IL19: variants seen among roughly 807,000 people sequenced by gnomAD.
IL19 encodes interleukin-19.
A neutral mutation model predicts 19.5 loss-of-function variants in IL19; 15 were observed. That is an observed-to-expected ratio of 0.77 (90% CI 0.52 to 1.19). The LOEUF is 1.19. Among genes scored for constraint, IL19 ranks in the 50% most tolerant of loss-of-function variants. The pLI is 0.00. For missense variants in IL19, 199 were observed against 213.1 expected, an observed-to-expected ratio of 0.93 and a Z score of 0.41; for synonymous variants, 78 against 78.3, an observed-to-expected ratio of 1.00 and a Z score of 0.02.
At chr1:206,795,379 T>G (rs1196199427) in intron 1 of IL19, among the ~76,000 whole-genome samples, 2 of 152,240 alleles carry the variant, frequency 1.3e-5, no homozygotes, top group Non-Finnish European at 2.9e-5. Flanking sequence ...TAAGAACTAG[T>G]CCTGGATGGT....
At chr1:206,810,489 A>G (rs1675976063) in intron 2 of IL19, among the ~76,000 whole-genome samples, 3 of 152,244 alleles carry the variant, frequency 2.0e-5, no homozygotes, top group South Asian at 2.1e-4. Context: ...CTAGAGGACA[A>G]TCCTTTCATA....
At chr1:206,828,598 G>A (rs540413973) in intron 2 of IL19, among the ~76,000 whole-genome samples, 5 of 152,254 alleles carry the variant, frequency 3.3e-5, no homozygotes, top group African/African-American at 1.2e-4. Context: ...TGAAAGGTAC[G>A]TAAACATTTG....
At chr1:206,824,522 G>T (rs1438802059) in intron 2 of IL19, among the ~76,000 whole-genome samples, 1 of 152,150 alleles carries the variant, frequency 6.6e-6, no homozygotes, top group African/African-American at 2.4e-5. Context: ...CCTCCTTCTT[G>T]TAGGAGCTTC....
intron 4 of IL19, among the ~76,000 whole-genome samples, chr1:206,837,549 C>T (rs565708008): frequency 2.8e-4 from 43 of 152,178 alleles, no homozygotes; most frequent in Non-Finnish European, 2.1e-4. Context: ...GAGCCTCAGG[C>T]TTATAATACA....
intron 2 of IL19, among the ~76,000 whole-genome samples, chr1:206,803,614 G>A (rs956455700): frequency 2.6e-5 from 4 of 152,146 alleles, no homozygotes; most frequent in Non-Finnish European, 5.9e-5. Context: ...GAGAGAACAG[G>A]AAAGGATTAT....
intron 4 of IL19, among the ~76,000 whole-genome samples, chr1:206,839,116 G>C (rs1676908060): frequency 6.6e-6 from 1 of 152,160 alleles, no homozygotes; most frequent in African/African-American, 2.4e-5. Context: ...ACTTCTAGAA[G>C]GAAACTGTCT....
chr1:206,791,660 C>T (rs2102454749), intron 1 of IL19, among the ~76,000 whole-genome samples: 1 of 152,262 alleles, frequency 6.6e-6, no homozygotes, highest in East Asian at 1.9e-4. Context: ...CTTCCTGTGC[C>T]CCATGCCCAG....
At chr1:206,838,405 C>G (rs1676872589) in intron 4 of IL19, among the ~76,000 whole-genome samples, 1 of 152,188 alleles carries the variant, frequency 6.6e-6, no homozygotes, top group South Asian at 2.1e-4. Context: ...GAGAGACACA[C>G]ACACACACCT....
intron 1 of IL19, among the ~76,000 whole-genome samples, chr1:206,777,953 C>T (rs1279625787): frequency 1.3e-5 from 2 of 152,202 alleles, no homozygotes; most frequent in Non-Finnish European, 2.9e-5. Context: ...CAAAGTGTGG[C>T]CAGTTTGGGG....
chr1:206,839,893 A>G lies in IL19; in HGVS notation c.254A>G (p.Tyr85Cys). ...CCVTKNLLAF[Y>C]VDRVFKDHQE... ...GTGACCAAGAACCTCCTGGCGTTCT[A>G]CGTGGACAGGGTGTTCAAGGATCAT... is the stretch of plus-strand genomic sequence containing the variant. Residue 85 changes from tyrosine to cysteine, a missense_variant, in exon 5 of 7, where the codon TAC becomes TGC. Coordinates refer to ENST00000659997, the MANE Select transcript of IL19 (RefSeq NM_153758.5). 7 of 1,614,128 alleles carry G rather than the reference A, an allele frequency of 4.3e-6. No homozygotes were observed. The highest frequency in any genetic ancestry group is 1.1e-5 in the South Asian group (1 of 91,082).
At chr1:206,801,584 T>C (rs1370196382) in intron 2 of IL19, among the ~76,000 whole-genome samples, 4 of 152,238 alleles carry the variant, frequency 2.6e-5, no homozygotes, top group Non-Finnish European at 5.9e-5. Flanking sequence ...TCACTTATCC[T>C]TCCGGTCAAA....
intron 1 of IL19, among the ~76,000 whole-genome samples, chr1:206,796,810 A>T (rs1286127674): frequency 1.9e-4 from 29 of 152,200 alleles, no homozygotes; most frequent in Admixed American, 1.9e-3. Flanking sequence ...TAAGTGACAC[A>T]TGACTGTATT....
At chr1:206,826,886 C>G (rs1185351629) in intron 2 of IL19, among the ~76,000 whole-genome samples, 1 of 152,160 alleles carries the variant, frequency 6.6e-6, no homozygotes, top group Non-Finnish European at 1.5e-5. Context: ...GACAAAGATT[C>G]TGTGAATGGA....
intron 2 of IL19, among the ~76,000 whole-genome samples, chr1:206,808,759 A>C (rs1420002327): frequency 1.3e-5 from 2 of 152,164 alleles, no homozygotes; most frequent in African/African-American, 4.8e-5. Context: ...TGCAGTTGAC[A>C]CAAGTCTTAG....
intron 1 of IL19, among the ~76,000 whole-genome samples, chr1:206,779,925 G>A (rs1675093006): frequency 6.6e-6 from 1 of 150,862 alleles, no homozygotes; most frequent in African/African-American, 2.4e-5. Context: ...CTAGGCTCAA[G>A]TAATCCTCTT....
intron 2 of IL19, among the ~76,000 whole-genome samples, chr1:206,829,680 TC>T (rs1447426632): frequency 2.0e-5 from 3 of 152,068 alleles, no homozygotes; most frequent in Non-Finnish European, 4.4e-5. Context: ...TTTTAAAAAG[TC>T]CACCTACCTA....
intron 6 of IL19, among the ~76,000 whole-genome samples, chr1:206,842,181 A>C (rs570719144): frequency 9.9e-5 from 15 of 152,188 alleles, no homozygotes; most frequent in South Asian, 4.1e-4. Context: ...TAACAGAAGC[A>C]CTAAAGCAAG....
chr1:206,836,535 T>G, intron 2 of IL19, 126 bp from the exon 3 acceptor site: 4 of 830,014 alleles, frequency 4.8e-6, no homozygotes, highest in Non-Finnish European at 7.6e-6. Flanking sequence ...GCTGAAGTGT[T>G]TAGTGTTGTT....
intron 1 of IL19, among the ~76,000 whole-genome samples, chr1:206,788,295 G>A (rs907574728): frequency 6.6e-6 from 1 of 152,128 alleles, no homozygotes; most frequent in African/African-American, 2.4e-5. Context: ...CAAGGCCAAT[G>A]GCAAACTACT....
Sources: allele counts gnomAD v4.1 joint callset (sites outside exome capture counted in the v4.1 genomes callset), GRCh38; gene constraint gnomAD v4.1.1; transcripts MANE v1.5; gene names NCBI Gene and HGNC (gene_info 2026-07-23, HGNC 2026-07-21).